Variants in PGM1 observed in about 807,000 individuals in gnomAD.
PGM1 encodes phosphoglucomutase-1.
In PGM1, 52 loss-of-function variants were observed where a neutral mutation model predicts 55.6. That is an observed-to-expected ratio of 0.94 (90% confidence interval 0.75 to 1.18). The LOEUF (loss-of-function observed/expected upper bound fraction) is 1.18. Among genes scored for constraint, PGM1 ranks in the 50% most tolerant of loss-of-function variants. The pLI is 0.00. For missense variants in PGM1, 724 were observed against 729.3 expected (o/e 0.99, Z 0.08); for synonymous variants, 287 against 271.7 (o/e 1.06, Z -0.55).
At chr1:63,625,844 G>C (rs72920863) in intron 1 of PGM1, among the ~76,000 whole-genome samples, 5,301 of 152,114 alleles carry the variant, frequency 0.035, 318 homozygotes, top group African/African-American at 0.12. Context: ...ATATTGACGG[G>C]CCCCTTTTAG....
chr1:63,594,734 G>A (rs185823129), intron 1 of PGM1, among the ~76,000 whole-genome samples: 4 of 148,282 alleles, frequency 2.7e-5, no homozygotes, highest in African/African-American at 1.0e-4. Context: ...CTGAGGTCAG[G>A]AGATCGAGAC....
chr1:63,634,970 C>A lies in PGM1; in HGVS notation c.824C>A (p.Thr275Asn). 1.2e-6 allele frequency: 2 copies of A among 1,613,970 alleles called. No homozygotes were observed. The highest frequency in any genetic ancestry group is 1.1e-5 in the South Asian group (1 of 91,078). ...ACCTATGCAGCTGACCTGGTGGAGA[C>A]CATGAAGTCAGGAGAGCATGATTTT... ...NLTYAADLVE[T>N]MKSGEHDFGA... The change falls in exon 5 of 11, where the codon ACC (threonine) becomes AAC (asparagine). Residue 275 changes from threonine (T) to asparagine (N), a missense_variant. Coordinates refer to ENST00000371084, the MANE Select transcript of PGM1 (RefSeq NM_002633.3).
At chr1:63,631,822 T>C (rs1649204065) in intron 4 of PGM1, 40 bp downstream of exon 4, 3 of 1,603,770 alleles carry the variant, frequency 1.9e-6, no homozygotes, top group Non-Finnish European at 2.6e-6. Context: ...CTCTTGAGGA[T>C]AGGAAGTTGC....
chr1:63,604,948 TG>T (rs1557703388), intron 1 of PGM1, among the ~76,000 whole-genome samples: 26 of 143,932 alleles, frequency 1.8e-4, no homozygotes, highest in African/African-American at 6.2e-4. Context: ...TGTGTGTGTG[TG>T]TGTGTGTGTG....
chr1:63,621,291 C>T (rs1648872665), intron 1 of PGM1, among the ~76,000 whole-genome samples: 1 of 151,116 alleles, frequency 6.6e-6, no homozygotes, highest in Non-Finnish European at 1.5e-5. Flanking sequence ...AGAGACTATG[C>T]TGGAGTGTGG....
At chr1:63,629,718 T>C in intron 2 of PGM1, 131 bp downstream of exon 2, 1 of 992,888 alleles carries the variant, frequency 1.0e-6, no homozygotes, top group South Asian at 1.4e-5. Flanking sequence ...TTTGCTTCCT[T>C]TCAGTGACAG....
In PGM1 at chr1:63,659,647, G is replaced by T; in HGVS notation, c.1661G>T (p.Gly554Val). 1 of 1,613,978 alleles carries T rather than the reference G, an allele frequency of 6.2e-7. No individual in the cohort carries two copies. Among genetic ancestry groups the T allele is most frequent in the South Asian group, 1.1e-5 (1 of 91,086 alleles). The change falls in exon 11 of 11, where the codon GGA becomes GTA. Residue 554 changes from glycine (G) to valine (V), a missense_variant. Physicochemically the swap from Gly to Val is moderately radical, Grantham distance 109. This residue lies in a region of PGM1 where 316 missense variants were observed against 313.1 expected (regional missense o/e 1.01). Coordinates refer to ENST00000371084, the MANE Select transcript of PGM1 (RefSeq NM_002633.3). ...GTGTCCCAGCTGCAGGAGAGGACGG[G>T]ACGCACTGCACCCACTGTCATCACC... ...LKVSQLQERT[G>V]RTAPTVIT
intron 1 of PGM1, among the ~76,000 whole-genome samples, chr1:63,598,268 C>T (rs1570468327): frequency 2.0e-5 from 3 of 152,084 alleles, no homozygotes; most frequent in South Asian, 2.1e-4. Flanking sequence ...TGTGAGCCAT[C>T]GTGCCGGGCA....
At chr1:63,597,098 A>G (rs1445335991) in intron 1 of PGM1, among the ~76,000 whole-genome samples, 2 of 152,188 alleles carry the variant, frequency 1.3e-5, no homozygotes, top group East Asian at 3.9e-4. Context: ...AGCAGACAGC[A>G]CAATGTGTCA....
chr1:63,593,754 G>A lies in PGM1; in HGVS notation c.246+20G>A, dbSNP rs771729469. On this transcript the variant is annotated intron_variant, in intron 1 of 10. Transcript: ENST00000371084. The stretch of plus-strand genomic sequence containing the variant: ...AACGGGGTAAGGGATGCGCGGCCCC[G>A]CGCCGCTGTGCACCCTGGCGCGTGT... The A allele has an allele frequency of 1.2e-5, 19 of 1,574,382 alleles. No individual in the cohort carries two copies. Among genetic ancestry groups the A allele is most frequent in the Non-Finnish European group, 1.6e-5 (19 of 1,166,604 alleles).
chr1:63,651,339 C>T (rs185744864), intron 8 of PGM1: 91 of 284,170 alleles, frequency 3.2e-4, no homozygotes, highest in African/African-American at 1.9e-3. Context: ...TTCATTTTAC[C>T]TCCTCAGGAT....
chr1:63,626,356 G>A (rs937396149), intron 1 of PGM1, among the ~76,000 whole-genome samples: 15 of 151,996 alleles, frequency 9.9e-5, no homozygotes, highest in African/African-American at 2.4e-4. Context: ...CTCTGTACCC[G>A]TTACACAATC....
At chr1:63,635,347 C>T (rs1021868426) in intron 5 of PGM1, among the ~76,000 whole-genome samples, 2 of 152,188 alleles carry the variant, frequency 1.3e-5, no homozygotes, top group African/African-American at 4.8e-5. Context: ...TCTCAACCAG[C>T]AGCTGGCTAC....
rs1327519079 is a variant in PGM1 at position 63,654,295 on chromosome 1, G to A, written c.1465-37G>A. 1.9e-6 allele frequency: 3 copies of A among 1,611,276 alleles called. No individual in the cohort carries two copies. The Admixed American group carries it at 5.0e-5, about 27-fold the overall frequency. On this transcript the variant is annotated intron_variant, in intron 9 of 10. Coordinates refer to ENST00000371084, the MANE Select transcript of PGM1 (RefSeq NM_002633.3). ...TAATTTGCCAGCCTTCAGTCTCCCAGCATTTGGGGAAAAAAATCTCTGCTT... is the reference window on the plus strand; with the variant it reads ...TAATTTGCCAGCCTTCAGTCTCCCAACATTTGGGGAAAAAAATCTCTGCTT...
At chr1:63,620,639 A>C (rs1443459343) in intron 1 of PGM1, among the ~76,000 whole-genome samples, 1 of 152,216 alleles carries the variant, frequency 6.6e-6, no homozygotes, top group Non-Finnish European at 1.5e-5. Flanking sequence ...TGGTAAGTCT[A>C]CGGTTTCTGC....
chr1:63,626,634 C>A (rs1374676097), intron 1 of PGM1, among the ~76,000 whole-genome samples: 2 of 151,644 alleles, frequency 1.3e-5, no homozygotes, highest in Non-Finnish European at 2.9e-5. Context: ...AAAAATTATC[C>A]TATATATGTC....
intron 8 of PGM1, 51 bp downstream of exon 8, chr1:63,648,703 G>T: frequency 6.3e-7 from 1 of 1,599,480 alleles, no homozygotes; most frequent in South Asian, 1.1e-5. Flanking sequence ...AGTGGGCAGA[G>T]AGAATTCTTG....
At chr1:63,610,395 G>A (rs574434036) in intron 1 of PGM1, among the ~76,000 whole-genome samples, 41 of 152,128 alleles carry the variant, frequency 2.7e-4, no homozygotes, top group Non-Finnish European at 4.1e-4. Context: ...AGTTACAGGC[G>A]TTTTGCCATT....
intron 1 of PGM1, 107 bp downstream of exon 1, chr1:63,593,841 C>G (rs571449970): frequency 1.8e-4 from 234 of 1,309,414 alleles, no homozygotes; most frequent in Non-Finnish European, 2.1e-4. Flanking sequence ...GCGCTGCCGC[C>G]TCGGTTTCCA....
Sources: gnomAD v4.1 joint callset for allele counts (sites outside exome capture counted in the v4.1 genomes callset) on GRCh38, gnomAD v4.1.1 for gene constraint, gnomAD v4.1.1 regional missense constraint, MANE v1.5 for transcripts, NCBI Gene and HGNC (gene_info 2026-07-23, HGNC 2026-07-21) for gene names.